Variants in EHMT1 observed in about 807,000 individuals in gnomAD.
The protein encoded by EHMT1 is euchromatic histone lysine methyltransferase 1.
In EHMT1, 15 loss-of-function variants were observed where a neutral mutation model predicts 147.2. The observed-to-expected ratio is 0.10, with a 90% CI of 0.07 to 0.16. The LOEUF (loss-of-function observed/expected upper bound fraction) is 0.16, where lower values mean the gene tolerates loss of function less well. Among genes scored for constraint, EHMT1 ranks in the 10% least tolerant of loss-of-function variants. EHMT1 has a pLI of 1.00. For missense variants in EHMT1, 1,587 were observed against 1,772.4 expected (o/e 0.90, Z 1.88); for synonymous variants, 795 against 709.6 (o/e 1.12, Z -1.91).
intron 18 of EHMT1, chr9:137,802,708 C>T: frequency 1.3e-6 from 1 of 793,634 alleles, no homozygotes; most frequent in Non-Finnish European, 1.7e-6. Flanking sequence ...TGGCTGTGGG[C>T]ACCCGCTGCC....
chr9:137,736,912 C>T (rs9410129), intron 4 of EHMT1, among the ~76,000 whole-genome samples: 73,703 of 151,468 alleles, frequency 0.49, 21,185 homozygotes, highest in African/African-American at 0.8. Context: ...AAAATATATA[C>T]AGAGATTTGG....
At chr9:137,736,262 G>T (rs1395617783) in intron 4 of EHMT1, among the ~76,000 whole-genome samples, 3 of 152,126 alleles carry the variant, frequency 2.0e-5, no homozygotes, top group African/African-American at 7.2e-5. Context: ...CAATAAGAAG[G>T]TATAACAATT....
chr9:137,714,019 T>G (rs944978674), intron 2 of EHMT1, among the ~76,000 whole-genome samples: 1 of 152,242 alleles, frequency 6.6e-6, no homozygotes, highest in East Asian at 1.9e-4. Context: ...CTTGCTAAAC[T>G]CGTTTATTAG....
In EHMT1 at chr9:137,716,777, C is replaced by G. The variant is rs766085475; in HGVS notation, c.237C>G (p.Val79=). ...AAKHTQDSAR[V]NPQDGTNTLT... ...AGCACACTCAGGACAGCGCAAGGGTCAACCCCCAGGATGGCACCAACACAC... is the reference window on the plus strand; with the variant it reads ...AGCACACTCAGGACAGCGCAAGGGTGAACCCCCAGGATGGCACCAACACAC... The change falls in exon 3 of 27, where the codon GTC becomes GTG. Residue 79 remains valine, a synonymous_variant. Coordinates refer to ENST00000460843, the MANE Select transcript of EHMT1 (RefSeq NM_024757.5). 5.6e-6 allele frequency: 9 copies of G among 1,613,206 alleles called. No individual in the cohort carries two copies. The highest frequency in any genetic ancestry group is 1.7e-5 in the Admixed American group (1 of 59,982).
At chr9:137,627,858 C>T (rs1843371247) in intron 1 of EHMT1, among the ~76,000 whole-genome samples, 1 of 151,990 alleles carries the variant, frequency 6.6e-6, no homozygotes, top group African/African-American at 2.4e-5. Flanking sequence ...TATAGTTGTG[C>T]ACCACCACGT....
At chr9:137,658,815 A>G (rs974125604) in intron 1 of EHMT1, among the ~76,000 whole-genome samples, 1 of 151,816 alleles carries the variant, frequency 6.6e-6, no homozygotes, top group Non-Finnish European at 1.5e-5. Context: ...TGTAGAAACA[A>G]GGTCTCACTG....
intron 6 of EHMT1, among the ~76,000 whole-genome samples, chr9:137,749,527 T>C (rs555012004): frequency 6.6e-6 from 1 of 152,314 alleles, no homozygotes; most frequent in African/African-American, 2.4e-5. Flanking sequence ...CTTGAACTTC[T>C]GGGCTCATGT....
In EHMT1 at chr9:137,762,758, A is replaced by G. The variant is rs758583547; in HGVS notation, c.1585A>G (p.Ser529Gly). 6.2e-7 allele frequency: 1 copy of G among 1,614,254 alleles called. No individual in the cohort carries two copies. Among genetic ancestry groups the G allele is most frequent in the Non-Finnish European group, 8.5e-7 (1 of 1,180,040 alleles). Residue 529 changes from serine to glycine, a missense_variant, in exon 10 of 27, where the codon AGT becomes GGT. Around this residue, in one of 7 missense-constraint regions of EHMT1, gnomAD observed 124 missense variants for 197.8 expected, o/e 0.63. Coordinates refer to ENST00000460843, the MANE Select transcript of EHMT1 (RefSeq NM_024757.5). ...LCSCRMETPKSREITTLANNQ... is the reference protein window; with the variant it reads ...LCSCRMETPKGREITTLANNQ... ...CAGCTGCCGGATGGAAACACCGAAG[A>G]GTCGAGAGATCACCACACTGGCCAA...
chr9:137,752,381 G>T lies in EHMT1; in HGVS notation c.1221G>T (p.Glu407Asp). The T allele has an allele frequency of 6.2e-7, 1 of 1,614,152 alleles. No individual in the cohort carries two copies. Among genetic ancestry groups the T allele is most frequent in the Non-Finnish European group, 8.5e-7 (1 of 1,180,024 alleles). ...AGGAGTCCGTGGACACCGGGGAGGA[G>T]GAGGAAGGCGGTGACGAGTCTGACC... Reference protein sequence around the residue: ...EEQESVDTGEEEEGGDESDLS... With the variant: ...EEQESVDTGEDEEGGDESDLS... The change falls in exon 7 of 27, where the codon GAG becomes GAT. Residue 407 changes from glutamate to aspartate, a missense_variant. Physicochemically the swap from Glu to Asp is conservative, Grantham distance 45. Around this residue, in one of 7 missense-constraint regions of EHMT1, gnomAD observed 810 missense variants for 673.0 expected, o/e 1.20. Coordinates refer to ENST00000460843, the MANE Select transcript of EHMT1 (RefSeq NM_024757.5).
chr9:137,829,246 A>C (rs970634177), intron 25 of EHMT1, among the ~76,000 whole-genome samples: 3 of 152,234 alleles, frequency 2.0e-5, no homozygotes, highest in African/African-American at 7.2e-5. Context: ...AAAAAATAGA[A>C]GAAAAATGTT....
At chr9:137,814,600 G>A (rs1954774713) in intron 22 of EHMT1, 92 bp downstream of exon 22, 2 of 1,456,980 alleles carry the variant, frequency 1.4e-6, no homozygotes, top group African/African-American at 1.4e-5. Context: ...CCCCAGCGCT[G>A]TCGTGGCAGC....
chr9:137,693,208 C>A (rs77246122), intron 1 of EHMT1, among the ~76,000 whole-genome samples: 4,324 of 152,174 alleles, frequency 0.028, 185 homozygotes, highest in African/African-American at 0.098. Flanking sequence ...GGGGACTGGA[C>A]TTGTTTTTGA....
intron 16 of EHMT1, 27 bp from the exon 17 acceptor site, chr9:137,798,786 T>G: frequency 6.3e-7 from 1 of 1,596,600 alleles, no homozygotes; most frequent in Non-Finnish European, 8.6e-7. Context: ...GTATGGATTC[T>G]TTGACTAAGT....
chr9:137,803,147 C>T (rs1383685573), intron 18 of EHMT1: 2 of 1,227,450 alleles, frequency 1.6e-6, no homozygotes, highest in Admixed American at 4.2e-5. Flanking sequence ...ATGCTGGTGG[C>T]TGTTCCCCCA....
chr9:137,818,274 G>C, intron 25 of EHMT1, 136 bp downstream of exon 25: 1 of 980,510 alleles, frequency 1.0e-6, no homozygotes. Flanking sequence ...GACCTGCTGA[G>C]TGCCGCATTT....
At chr9:137,672,664 G>T (rs1940815132) in intron 1 of EHMT1, among the ~76,000 whole-genome samples, 1 of 152,220 alleles carries the variant, frequency 6.6e-6, no homozygotes, top group South Asian at 2.1e-4. Context: ...ACCAGTTTCT[G>T]CCTCTCGTAG....
chr9:137,652,715 TAAG>T (rs1189430414), intron 1 of EHMT1, among the ~76,000 whole-genome samples: 1 of 150,374 alleles, frequency 6.7e-6, no homozygotes, highest in East Asian at 2.0e-4. Flanking sequence ...CAAAAAAGTG[TAAG>T]AAGTTAAACT....
At chr9:137,729,888 A>G (rs528857316) in intron 4 of EHMT1, among the ~76,000 whole-genome samples, 17 of 152,360 alleles carry the variant, frequency 1.1e-4, no homozygotes, top group African/African-American at 4.1e-4. Flanking sequence ...GCCGCTCTCT[A>G]ATCTCAGTGT....
intron 18 of EHMT1, among the ~76,000 whole-genome samples, chr9:137,809,446 CA>C (rs1424685146): frequency 3.3e-5 from 5 of 152,186 alleles, no homozygotes; most frequent in Non-Finnish European, 7.3e-5. Flanking sequence ...GGGCAGAGCT[CA>C]AATGGAAGCA....
Sources: gnomAD v4.1 joint callset for allele counts (sites outside exome capture counted in the v4.1 genomes callset) on GRCh38, gnomAD v4.1.1 for gene constraint, gnomAD v4.1.1 regional missense constraint, MANE v1.5 for transcripts, NCBI Gene and HGNC (gene_info 2026-07-23, HGNC 2026-07-21) for gene names.